Variants in EIF2AK3 observed in about 807,000 individuals in gnomAD.
EIF2AK3 encodes the protein eukaryotic translation initiation factor 2-alpha kinase 3.
EIF2AK3 carries 50 observed loss-of-function variants against 113.5 expected under a neutral mutation model. That is an observed-to-expected ratio of 0.44 (90% CI 0.35 to 0.56). EIF2AK3 has a LOEUF of 0.56. Among genes scored for constraint, EIF2AK3 ranks in the 20% least tolerant of loss-of-function variants. The pLI is 0.00. For synonymous variants in EIF2AK3, 448 were observed against 495.4 expected (o/e 0.90, Z 1.27); for missense variants, 1,185 against 1,378.0 (o/e 0.86, Z 2.22).
rs1219091916 is a variant in EIF2AK3 at position 88,558,888 on chromosome 2, A to G, written c.3150+29T>C. On this transcript the variant is annotated intron_variant, in intron 16 of 16. Coordinates refer to ENST00000303236, the MANE Select transcript of EIF2AK3 (RefSeq NM_004836.7). Reference sequence around the variant, plus strand: ...GCTTACGTTCTAAAGATGATTCTAAAGAAGATAAAAGATGAGAATTACACA... The same window carrying G: ...GCTTACGTTCTAAAGATGATTCTAAGGAAGATAAAAGATGAGAATTACACA... 2.6e-6 allele frequency: 4 copies of G among 1,531,870 alleles called. No individual in the cohort carries two copies. In the African/African-American group the frequency reaches 4.1e-5, roughly 16 times the overall value. The allele number at this position is 1,531,870 out of a possible 1,614,324, so 94.9% of individuals were successfully genotyped here.
chr2:88,597,011 C>G (rs1431114202), intron 2 of EIF2AK3, among the ~76,000 whole-genome samples: 1 of 152,158 alleles, frequency 6.6e-6, no homozygotes, highest in Admixed American at 6.5e-5. Context: ...AGGCTCAAAA[C>G]TTTAGGAAAC....
At chr2:88,592,932 G>A (rs1475826647) in intron 4 of EIF2AK3, among the ~76,000 whole-genome samples, 6 of 151,778 alleles carry the variant, frequency 4.0e-5, no homozygotes, top group Admixed American at 1.3e-4. Context: ...ACCTGACGTC[G>A]GGAGTTGGAC....
Position 88,557,198 on chromosome 2 carries a change from T to C in EIF2AK3, c.*538A>G, listed in dbSNP as rs1172151517. On this transcript the variant is annotated 3_prime_UTR_variant, in exon 17 of 17. Coordinates refer to ENST00000303236, the MANE Select transcript of EIF2AK3 (RefSeq NM_004836.7). ...AGCTATTGAATGCTACAAATAGGACTATAAAACTACGGACATAAACCGTTA... is the reference window on the plus strand; with the variant it reads ...AGCTATTGAATGCTACAAATAGGACCATAAAACTACGGACATAAACCGTTA... 1.3e-5 allele frequency: 2 copies of C among 158,598 alleles called. No homozygotes were observed. The highest frequency in any genetic ancestry group is 2.8e-5 in the Non-Finnish European group (2 of 71,414). The allele number at this position is 158,598 out of a possible 1,614,324, so 9.8% of individuals were successfully genotyped here. A position where few individuals can be genotyped will look rare whatever the true frequency, so the allele number is the denominator to read the frequency against.
At chr2:88,611,258 T>C (rs1675448347) in intron 2 of EIF2AK3, among the ~76,000 whole-genome samples, 1 of 152,122 alleles carries the variant, frequency 6.6e-6, no homozygotes, top group South Asian at 2.1e-4. Context: ...CTCAAGCAAA[T>C]TTATTTGAGC....
chr2:88,595,833 T>C lies in EIF2AK3; in HGVS notation c.439-170A>G, dbSNP rs7571971. 521,460 of 723,880 alleles carry C rather than the reference T, an allele frequency of 0.72. 191,014 individuals are homozygous for C. Among genetic ancestry groups the C allele is most frequent in the African/African-American group, 0.94 (54,174 of 57,392 alleles). The allele number at this position is 723,880 out of a possible 1,614,324, so 44.8% of individuals were successfully genotyped here. The stretch of plus-strand genomic sequence containing the variant: ...TCCTTCTGAGTAGCACATGAAGCAG[T>C]GCAGTCCATCAACCAAAAGTAATTT... On this transcript the variant is annotated intron_variant, in intron 2 of 16. Transcript: ENST00000303236.
At chr2:88,568,171 C>T (rs1156751552) in intron 14 of EIF2AK3, among the ~76,000 whole-genome samples, 1 of 152,202 alleles carries the variant, frequency 6.6e-6, no homozygotes, top group East Asian at 1.9e-4. Flanking sequence ...TTGCCCTCCT[C>T]AAAGGCAGTT....
chr2:88,619,366 G>T (rs1036985010), intron 1 of EIF2AK3, among the ~76,000 whole-genome samples: 25 of 152,120 alleles, frequency 1.6e-4, no homozygotes, highest in African/African-American at 5.8e-4. Flanking sequence ...TACCTAGATG[G>T]TCAATGTCTA....
chr2:88,617,726 C>T (rs1675619941), intron 1 of EIF2AK3, among the ~76,000 whole-genome samples: 1 of 147,916 alleles, frequency 6.8e-6, no homozygotes, highest in Admixed American at 6.8e-5. Flanking sequence ...CACTGCACTC[C>T]AGCCTGGCAA....
intron 4 of EIF2AK3, among the ~76,000 whole-genome samples, chr2:88,592,183 C>CT (rs1382559536): frequency 6.6e-6 from 1 of 152,042 alleles, no homozygotes; most frequent in Non-Finnish European, 1.5e-5. Flanking sequence ...ATCAGCGTAT[C>CT]TAATCTAGGT....
intron 14 of EIF2AK3, among the ~76,000 whole-genome samples, chr2:88,568,583 A>G (rs1431096969): frequency 2.0e-5 from 3 of 152,230 alleles, no homozygotes; most frequent in Non-Finnish European, 4.4e-5. Flanking sequence ...ACCAAAGTAC[A>G]ATAGTTGTCT....
chr2:88,598,220 A>G (rs149224643), intron 2 of EIF2AK3, among the ~76,000 whole-genome samples: 206 of 152,324 alleles, frequency 1.4e-3, no homozygotes, highest in African/African-American at 4.5e-3. Flanking sequence ...AGTTGGAAAA[A>G]TTAGCATTTT....
intron 15 of EIF2AK3, among the ~76,000 whole-genome samples, chr2:88,559,366 G>C (rs1673876791): frequency 6.6e-6 from 1 of 152,124 alleles, no homozygotes; most frequent in Non-Finnish European, 1.5e-5. Context: ...GTTAGGTACT[G>C]TAATTTACAG....
intron 13 of EIF2AK3, 75 bp from the exon 14 acceptor site, chr2:88,571,116 A>G (rs1009493200): frequency 6.7e-7 from 1 of 1,485,562 alleles, no homozygotes; most frequent in South Asian, 1.1e-5. Context: ...TATTTAAAAG[A>G]CTACAAAGAA....
chr2:88,577,711 C>T lies in EIF2AK3; in HGVS notation c.1887-1008G>A, dbSNP rs898206464. ...CTTTTTCTTCCTCTCTTCCATCCTC[C>T]CCTATTCTTACCCTTTGTTCCATCT... On this transcript the variant is annotated intron_variant, in intron 11 of 16. Transcript: ENST00000303236. 2.6e-5 allele frequency among the ~76,000 whole-genome samples: 4 copies of T among 152,022 alleles called. No individual in the cohort carries two copies. The South Asian group carries it at 6.2e-4, about 24-fold the overall frequency.
At position 88,568,197 on chromosome 2, in the gene EIF2AK3, T is replaced by C. The variant is rs143643229; in HGVS notation, c.2985+2677A>G. ...AAAGGCAGTTCCTATTACTGGTCTCTGATATAATCTTTCAAAGATAGTCAA... is the reference window on the plus strand; with the variant it reads ...AAAGGCAGTTCCTATTACTGGTCTCCGATATAATCTTTCAAAGATAGTCAA... On this transcript the variant is annotated intron_variant, in intron 14 of 16. Transcript: ENST00000303236. Among the ~76,000 whole-genome samples the C allele has an allele frequency of 2.6e-3, 397 of 152,370 alleles. 1 individual carries two copies. Among genetic ancestry groups the C allele is most frequent in the African/African-American group, 9.0e-3 (375 of 41,596 alleles).
rs780592115 is a variant in EIF2AK3, at chr2:88,575,390, C to G, written c.2093G>C (p.Arg698Pro). 5 of 1,613,104 alleles carry G rather than the reference C, an allele frequency of 3.1e-6. No individual in the cohort carries two copies. Among genetic ancestry groups the G allele is most frequent in the Non-Finnish European group, 4.2e-6 (5 of 1,180,004 alleles). ...TTTTGTAGCGAAAGGATCCATTCTG[C>G]GTATTTTAACTGATGGTGCATCCAT... ...SPMDAPSVKI[R>P]RMDPFATKEH... Residue 698 changes from arginine (R) to proline (P), a missense_variant, in exon 13 of 17, where the codon CGC becomes CCC. Physicochemically the swap from Arg to Pro is moderately radical, Grantham distance 103. Around this residue, in one of 3 missense-constraint regions of EIF2AK3, gnomAD observed 877 missense variants for 1,024.2 expected, o/e 0.86. Transcript: ENST00000303236.
At chr2:88,572,207 A>G (rs1335142731) in intron 13 of EIF2AK3, among the ~76,000 whole-genome samples, 2 of 152,250 alleles carry the variant, frequency 1.3e-5, no homozygotes, top group African/African-American at 4.8e-5. Flanking sequence ...ATAATAGACT[A>G]TCCTGCATTA....
chr2:88,619,417 G>GT (rs1466708890), intron 1 of EIF2AK3, among the ~76,000 whole-genome samples: 2 of 152,128 alleles, frequency 1.3e-5, no homozygotes. Context: ...CCCCAAACCT[G>GT]TACAGGATTT....
At chr2:88,608,845 C>G (rs921660936) in intron 2 of EIF2AK3, among the ~76,000 whole-genome samples, 5 of 149,678 alleles carry the variant, frequency 3.3e-5, no homozygotes, top group Non-Finnish European at 7.4e-5. Context: ...GTAGCTGGAA[C>G]TACAGGTGCA....
Sources: allele counts gnomAD v4.1 joint callset (sites outside exome capture counted in the v4.1 genomes callset), GRCh38; gene constraint gnomAD v4.1.1; regional missense constraint gnomAD v4.1.1; transcripts MANE v1.5; gene names NCBI Gene and HGNC (gene_info 2026-07-23, HGNC 2026-07-21).